RBFOX1: variants seen among roughly 807,000 people sequenced by gnomAD.
RBFOX1 encodes the protein RNA binding fox-1 homolog 1, also known as RNA binding protein fox-1 homolog 1.
RBFOX1 carries 8 observed loss-of-function variants against 57.7 expected under a neutral mutation model. The ratio of observed to expected loss-of-function variants is 0.14; its 90% confidence interval spans 0.08 to 0.25. The LOEUF (loss-of-function observed/expected upper bound fraction) is 0.25, where lower values mean the gene tolerates loss of function less well. Among genes scored for constraint, RBFOX1 ranks in the 10% least tolerant of loss-of-function variants. The pLI, the probability that RBFOX1 is intolerant of heterozygous loss-of-function variation, is 1.00. For synonymous variants in RBFOX1, 326 were observed against 222.4 expected, an observed-to-expected ratio of 1.47 and a Z score of -4.15; for missense variants, 611 against 548.5, an observed-to-expected ratio of 1.11 and a Z score of -1.14.
At chr16:5,989,880 A>ACACACACACACACACACCCC (rs33912010) in intron 4 of RBFOX1, among the ~76,000 whole-genome samples, 4 of 127,210 alleles carry the variant, frequency 3.1e-5, no homozygotes, top group Admixed American at 8.1e-5. Flanking sequence ...ACACACACAC[A>ACACACACACACACACACCCC]CCACCCCTGT....
At chr16:6,792,201 CAA>C (rs1164198247) in intron 3 of RBFOX1, among the ~76,000 whole-genome samples, 1 of 151,994 alleles carries the variant, frequency 6.6e-6, no homozygotes, top group African/African-American at 2.4e-5. Flanking sequence ...TGAGTAATAA[CAA>C]AACAAGGTCA....
intron 4 of RBFOX1, among the ~76,000 whole-genome samples, chr16:7,153,371 T>G (rs1000736921): frequency 6.6e-6 from 1 of 152,154 alleles, no homozygotes; most frequent in African/African-American, 2.4e-5. Flanking sequence ...ACCTTTTATT[T>G]TAGTCTTTCC....
intron 4 of RBFOX1, among the ~76,000 whole-genome samples, chr16:7,085,205 C>G (rs1205660182): frequency 6.6e-6 from 1 of 152,060 alleles, no homozygotes; most frequent in African/African-American, 2.4e-5. Context: ...ATTGGTTATT[C>G]TACTTGCCAA....
At chr16:6,136,309 C>T (rs973468015) in intron 1 of RBFOX1, among the ~76,000 whole-genome samples, 6 of 152,252 alleles carry the variant, frequency 3.9e-5, no homozygotes, top group Admixed American at 1.3e-4. Flanking sequence ...CTTGACTTTG[C>T]CTTTGATACA....
intron 3 of RBFOX1, among the ~76,000 whole-genome samples, chr16:5,744,288 G>C (rs1389346650): frequency 6.6e-6 from 1 of 152,056 alleles, no homozygotes; most frequent in African/African-American, 2.4e-5. Flanking sequence ...CTGGGTTCCC[G>C]CAGCACCTTG....
chr16:6,082,525 C>T (rs2096019277), intron 1 of RBFOX1, among the ~76,000 whole-genome samples: 1 of 151,780 alleles, frequency 6.6e-6, no homozygotes, highest in East Asian at 2.0e-4. Flanking sequence ...AGTAGGACAG[C>T]AAAGATGCTT....
chr16:6,387,866 G>A (rs922268245), intron 2 of RBFOX1, among the ~76,000 whole-genome samples: 1 of 151,728 alleles, frequency 6.6e-6, no homozygotes, highest in African/African-American at 2.4e-5. Context: ...GGGAACAAGT[G>A]TGTGGCTTCC....
chr16:5,496,363 G>T (rs1287045437), intron 2 of RBFOX1, among the ~76,000 whole-genome samples: 1 of 152,120 alleles, frequency 6.6e-6, no homozygotes, highest in Non-Finnish European at 1.5e-5. Context: ...TAGCCCTCCT[G>T]TACCATAATA....
chr16:6,984,169 C>A (rs534025447), intron 3 of RBFOX1, among the ~76,000 whole-genome samples: 38 of 152,248 alleles, frequency 2.5e-4, no homozygotes, highest in African/African-American at 8.9e-4. Flanking sequence ...ATTGCTTGAA[C>A]CCTGGAGGCA....
chr16:6,247,964 C>T (rs2097578612), intron 1 of RBFOX1, among the ~76,000 whole-genome samples: 1 of 152,178 alleles, frequency 6.6e-6, no homozygotes, highest in African/African-American at 2.4e-5. Flanking sequence ...TGAGGGACAT[C>T]CATCCCTTTG....
rs573104938 is a variant in RBFOX1, at chr16:7,117,001, C to T, written c.27+64903C>T. Among the ~76,000 whole-genome samples the T allele has an allele frequency of 1.3e-4, 20 of 152,110 alleles. No homozygotes were observed. The South Asian group carries it at 3.5e-3, about 27-fold the overall frequency. Reference sequence around the variant, plus strand: ...AGAAGGGTTTGTTTCCTCTGAGATACGTAGGCCAAGAAAGAGTTAGGGAAG... The same window carrying T: ...AGAAGGGTTTGTTTCCTCTGAGATATGTAGGCCAAGAAAGAGTTAGGGAAG... On this transcript the variant is annotated intron_variant, in intron 4 of 15. Transcript: ENST00000550418.
intron 2 of RBFOX1, among the ~76,000 whole-genome samples, chr16:5,566,634 GTA>G (rs1380885250): frequency 3.4e-5 from 5 of 147,108 alleles, no homozygotes; most frequent in South Asian, 4.3e-4. Context: ...GTATATATGT[GTA>G]TATGTGTGTA....
At chr16:6,152,752 G>T (rs1314636331) in intron 1 of RBFOX1, among the ~76,000 whole-genome samples, 1 of 152,106 alleles carries the variant, frequency 6.6e-6, no homozygotes, top group Non-Finnish European at 1.5e-5. Flanking sequence ...CTCAAGCCAT[G>T]GTTTCTCAGC....
intron 3 of RBFOX1, among the ~76,000 whole-genome samples, chr16:5,752,350 ATGAAATAG>A (rs1385728620): frequency 6.6e-6 from 1 of 152,218 alleles, no homozygotes; most frequent in Admixed American, 6.5e-5. Context: ...TACCTGGGTG[ATGAAATAG>A]TCTGTACAGG....
chr16:7,074,844 A>G (rs1045682962), intron 4 of RBFOX1, among the ~76,000 whole-genome samples: 3 of 152,148 alleles, frequency 2.0e-5, no homozygotes, highest in African/African-American at 4.8e-5. Context: ...ATATTTGTCT[A>G]TTGCGCAACA....
At chr16:6,836,983 A>AT (rs988811224) in intron 3 of RBFOX1, among the ~76,000 whole-genome samples, 7 of 152,106 alleles carry the variant, frequency 4.6e-5, no homozygotes, top group African/African-American at 1.7e-4. Flanking sequence ...TGGATGGATG[A>AT]ATGACTCACA....
intron 4 of RBFOX1, among the ~76,000 whole-genome samples, chr16:7,195,413 A>G (rs1286725579): frequency 6.6e-6 from 1 of 152,180 alleles, no homozygotes. Flanking sequence ...AGAGGAGGTG[A>G]TCATTATTAC....
intron 14 of RBFOX1, among the ~76,000 whole-genome samples, chr16:7,688,221 ATG>A (rs3029191): frequency 0.032 from 3,857 of 120,812 alleles, 74 homozygotes; most frequent in Admixed American, 0.07. Flanking sequence ...GCAGGTTTAA[ATG>A]TGTGTGTGTG....
intron 7 of RBFOX1, among the ~76,000 whole-genome samples, chr16:7,590,820 T>C (rs1034260802): frequency 1.4e-5 from 2 of 143,352 alleles, no homozygotes; most frequent in African/African-American, 5.3e-5. Flanking sequence ...GATCAAGACA[T>C]TGCATTCCAG....
Sources: allele counts gnomAD v4.1 joint callset (sites outside exome capture counted in the v4.1 genomes callset), GRCh38; gene constraint gnomAD v4.1.1; transcripts MANE v1.5; gene names NCBI Gene and HGNC (gene_info 2026-07-23, HGNC 2026-07-21).